FHIP1A: variants seen among roughly 807,000 people sequenced by gnomAD.
The protein encoded by FHIP1A is FHF complex subunit HOOK-interacting protein 1A.
Under a neutral mutation model 88.6 loss-of-function variants are expected in FHIP1A, and 61 were observed. The observed-to-expected ratio is 0.69, with a 90% CI of 0.56 to 0.85. The LOEUF (loss-of-function observed/expected upper bound fraction) is 0.85. FHIP1A is among the 40% of genes least tolerant of loss of function. The pLI, the probability that FHIP1A is intolerant of heterozygous loss-of-function variation, is 0.00. For missense variants in FHIP1A, 1,154 were observed against 1,273.5 expected (o/e 0.91, Z 1.43); for synonymous variants, 478 against 496.0 (o/e 0.96, Z 0.48).
At chr4:151,453,866 T>G (rs554872506) in intron 1 of FHIP1A, among the ~76,000 whole-genome samples, 19 of 151,870 alleles carry the variant, frequency 1.3e-4, no homozygotes, top group African/African-American at 4.6e-4. Context: ...CGAAACTCCA[T>G]CTCAAAAACA....
In FHIP1A at chr4:151,609,301, G is replaced by A. The variant is rs150753530; in HGVS notation, c.978+20375G>A. ...GAAGTTACATAATAAAGATGTGATGGGAAGATTTTCTTCAGCTGAGTATAA... is the reference window on the plus strand; with the variant it reads ...GAAGTTACATAATAAAGATGTGATGAGAAGATTTTCTTCAGCTGAGTATAA... On this transcript the variant is annotated intron_variant, in intron 7 of 13. Coordinates refer to ENST00000435205, the MANE Select transcript of FHIP1A (RefSeq NM_001109977.3). Among the ~76,000 whole-genome samples, 1,354 of 152,198 alleles carry A rather than the reference G, an allele frequency of 8.9e-3. 74 individuals carry two copies. The highest frequency in any genetic ancestry group is 0.074 in the Admixed American group (1,133 of 15,274).
intron 8 of FHIP1A, among the ~76,000 whole-genome samples, chr4:151,630,916 A>G (rs1272154089): frequency 6.6e-6 from 1 of 152,252 alleles, no homozygotes; most frequent in Non-Finnish European, 1.5e-5. Flanking sequence ...TGGGTCAAAG[A>G]AGAAATCACA....
intron 2 of FHIP1A, among the ~76,000 whole-genome samples, chr4:151,470,401 T>A (rs1401553885): frequency 6.6e-6 from 1 of 152,208 alleles, no homozygotes; most frequent in Non-Finnish European, 1.5e-5. Flanking sequence ...AAACTTCTTA[T>A]AAATATTCTT....
At chr4:151,508,306 G>A (rs1165488879) in intron 3 of FHIP1A, among the ~76,000 whole-genome samples, 2 of 152,156 alleles carry the variant, frequency 1.3e-5, no homozygotes, top group Non-Finnish European at 2.9e-5. Context: ...CAATAATTTG[G>A]GGAGAAAGAT....
At chr4:151,522,389 A>G (rs181899232) in intron 3 of FHIP1A, among the ~76,000 whole-genome samples, 1 of 152,296 alleles carries the variant, frequency 6.6e-6, no homozygotes, top group African/African-American at 2.4e-5. Flanking sequence ...CCTGGACTGA[A>G]CTCAATCTCT....
At chr4:151,636,822 A>C (rs1736374404) in intron 8 of FHIP1A, among the ~76,000 whole-genome samples, 1 of 152,142 alleles carries the variant, frequency 6.6e-6, no homozygotes, top group Non-Finnish European at 1.5e-5. Context: ...GAAATAGATA[A>C]GCTGACTCTA....
At chr4:151,416,893 C>T (rs1186535639) in intron 1 of FHIP1A, among the ~76,000 whole-genome samples, 2 of 152,084 alleles carry the variant, frequency 1.3e-5, no homozygotes, top group East Asian at 3.9e-4. Flanking sequence ...AAGCGAATCT[C>T]CCACCTCAGT....
chr4:151,650,257 C>T lies in FHIP1A; in HGVS notation c.2216C>T (p.Ser739Phe). 6.4e-7 allele frequency: 1 copy of T among 1,551,754 alleles called. No homozygotes were observed. The highest frequency in any genetic ancestry group is 1.7e-4 in the Middle Eastern group (1 of 5,992). The change falls in exon 11 of 14, where the codon TCT (serine) becomes TTT (phenylalanine). Residue 739 changes from serine (S) to phenylalanine (F), a missense_variant. By Grantham distance (155) the Ser-to-Phe change is radical (BLOSUM62 -2). Coordinates refer to ENST00000435205, the MANE Select transcript of FHIP1A (RefSeq NM_001109977.3). ...CCTGCCCCTGAGGCAGAGCACAGCTCTAACCTGACAGCCGCCCACCCGGAG... is the reference window on the plus strand; with the variant it reads ...CCTGCCCCTGAGGCAGAGCACAGCTTTAACCTGACAGCCGCCCACCCGGAG... ...ASPAPEAEHS[S>F]NLTAAHPESE...
intron 7 of FHIP1A, among the ~76,000 whole-genome samples, chr4:151,610,069 C>T (rs1294243040): frequency 6.6e-6 from 1 of 152,100 alleles, no homozygotes; most frequent in African/African-American, 2.4e-5. Context: ...AGTCAGACTA[C>T]CAGGATTGGT....
chr4:151,509,409 C>T (rs972945160), intron 3 of FHIP1A, among the ~76,000 whole-genome samples: 1 of 152,164 alleles, frequency 6.6e-6, no homozygotes, highest in Admixed American at 6.5e-5. Context: ...TCGTGATCCG[C>T]CCGCCTCAGC....
intron 3 of FHIP1A, among the ~76,000 whole-genome samples, chr4:151,511,810 A>G (rs967390081): frequency 1.3e-5 from 2 of 152,266 alleles, no homozygotes; most frequent in Non-Finnish European, 2.9e-5. Flanking sequence ...AGCCCACCAC[A>G]GCTCAAGGAG....
chr4:151,633,471 T>C (rs1381830228), intron 8 of FHIP1A, among the ~76,000 whole-genome samples: 1 of 151,928 alleles, frequency 6.6e-6, no homozygotes, highest in Non-Finnish European at 1.5e-5. Context: ...AGGCCAGTGT[T>C]GCCCTAATAC....
At chr4:151,445,968 A>G (rs922682404) in intron 1 of FHIP1A, among the ~76,000 whole-genome samples, 1 of 151,236 alleles carries the variant, frequency 6.6e-6, no homozygotes, top group Non-Finnish European at 1.5e-5. Context: ...AAAGATTGCT[A>G]TGAAGGTAGC....
At chr4:151,602,414 C>CT (rs1408591195) in intron 7 of FHIP1A, among the ~76,000 whole-genome samples, 1 of 152,172 alleles carries the variant, frequency 6.6e-6, no homozygotes, top group Non-Finnish European at 1.5e-5. Context: ...CTGAAAAACT[C>CT]TGTCATCTCC....
At chr4:151,470,320 T>A (rs1729463799) in intron 2 of FHIP1A, among the ~76,000 whole-genome samples, 1 of 152,224 alleles carries the variant, frequency 6.6e-6, no homozygotes, top group African/African-American at 2.4e-5. Flanking sequence ...TAAGGCAGGC[T>A]GTCATAGAAA....
chr4:151,518,016 G>C (rs1320546636), intron 3 of FHIP1A, among the ~76,000 whole-genome samples: 1 of 152,136 alleles, frequency 6.6e-6, no homozygotes, highest in Admixed American at 6.5e-5. Flanking sequence ...AATAAATTTA[G>C]TGTAGCCTAG....
At chr4:151,550,647 A>AC (rs1482501200) in intron 3 of FHIP1A, among the ~76,000 whole-genome samples, 1 of 152,164 alleles carries the variant, frequency 6.6e-6, no homozygotes, top group African/African-American at 2.4e-5. Flanking sequence ...CATTTAAAAG[A>AC]TTTCTGAATT....
intron 2 of FHIP1A, among the ~76,000 whole-genome samples, chr4:151,468,527 C>T (rs1173768037): frequency 1.3e-5 from 2 of 152,080 alleles, no homozygotes; most frequent in Non-Finnish European, 2.9e-5. Context: ...TATGGAAACT[C>T]AGTATTTTTT....
chr4:151,557,874 A>T (rs1335031869), intron 3 of FHIP1A, among the ~76,000 whole-genome samples: 1 of 152,208 alleles, frequency 6.6e-6, no homozygotes, highest in African/African-American at 2.4e-5. Flanking sequence ...AAAAGGCAAC[A>T]ACTATTGATT....
Sources: gnomAD v4.1 joint callset for allele counts (sites outside exome capture counted in the v4.1 genomes callset) on GRCh38, gnomAD v4.1.1 for gene constraint, MANE v1.5 for transcripts, NCBI Gene and HGNC (gene_info 2026-07-23, HGNC 2026-07-21) for gene names.